The following YTHDC1 variants were observed in gnomAD, a reference collection of about 807,000 sequenced individuals.
The protein encoded by YTHDC1 is YTH domain-containing protein 1.
A neutral mutation model predicts 107.0 loss-of-function variants in YTHDC1; 12 were observed. The observed-to-expected ratio is 0.11, with a 90% CI of 0.07 to 0.18. YTHDC1 has a LOEUF of 0.18. Ranked by LOEUF, YTHDC1 falls within the 10% of genes least tolerant of loss-of-function variation. The pLI is 1.00. For synonymous variants in YTHDC1, 280 were observed against 289.5 expected (o/e 0.97, Z 0.33); for missense variants, 635 against 898.8 (o/e 0.71, Z 3.75).
At chr4:68,344,755 G>A (rs1248380882) in intron 1 of YTHDC1, among the ~76,000 whole-genome samples, 7 of 152,198 alleles carry the variant, frequency 4.6e-5, no homozygotes, top group African/African-American at 1.7e-4. Context: ...AGAGTAACAG[G>A]TCGGGCATGG....
intron 16 of YTHDC1, 28 bp downstream of exon 16, chr4:68,316,286 T>C (rs887486213): frequency 3.7e-6 from 6 of 1,600,330 alleles, no homozygotes; most frequent in Non-Finnish European, 4.3e-6. Flanking sequence ...AGTAGTTCCC[T>C]CACACCTTTG....
chr4:68,314,224 G>A lies in YTHDC1; in HGVS notation c.2059C>T (p.Arg687Ter). The change falls in exon 17 of 17, where the codon CGA becomes TGA. Residue 687 changes from arginine (R) to a stop codon, truncating the protein, a stop_gained. Transcript: ENST00000344157. LOFTEE classifies it high-confidence loss of function. The stretch of plus-strand genomic sequence containing the variant: ...CGTCTGTTATCTCTAGGGCGGTCTC[G>A]CTCTCGTTCCCGGTCTCTTTCACGG... ...RPRERDRERE[R>*]DRPRDNRRDR... 1 of 1,613,528 alleles carries A rather than the reference G, an allele frequency of 6.2e-7. No homozygotes were observed. The highest frequency in any genetic ancestry group is 8.5e-7 in the Non-Finnish European group (1 of 1,179,838).
Position 68,337,856 on chromosome 4 carries a change from G to A in YTHDC1, c.175C>T (p.Arg59Ter). 6.2e-7 allele frequency: 1 copy of A among 1,613,180 alleles called. No homozygotes were observed. The highest frequency in any genetic ancestry group is 8.5e-7 in the Non-Finnish European group (1 of 1,179,914). Residue 59 changes from arginine (R) to a stop codon, truncating the protein, a stop_gained, in exon 3 of 17, where the codon CGA (arginine) becomes TGA (stop). Transcript: ENST00000344157. LOFTEE classifies it high-confidence loss of function. Reference sequence around the variant, plus strand: ...CTAGAATGGACAGAAGGCTTTTGTCGTTTGGTATCAGTAGATTCCATTCGA... The same window carrying A: ...CTAGAATGGACAGAAGGCTTTTGTCATTTGGTATCAGTAGATTCCATTCGA... ...SDRMESTDTK[R>*]QKPSVHSRQL...
intron 5 of YTHDC1, 85 bp downstream of exon 5, chr4:68,333,223 G>T: frequency 9.7e-7 from 1 of 1,026,812 alleles, no homozygotes; most frequent in Non-Finnish European, 1.5e-6. Flanking sequence ...ACATCAACAA[G>T]TTCACACTAA....
At position 68,313,727 on chromosome 4, in the gene YTHDC1, T is replaced by C. The variant is rs560971897; in HGVS notation, c.*372A>G. 4.6e-6 allele frequency: 1 copy of C among 217,888 alleles called. No homozygotes were observed. The highest frequency in any genetic ancestry group is 1.1e-4 in the East Asian group (1 of 9,208). The allele number at this position is 217,888 out of a possible 1,614,324, so 13.5% of individuals were successfully genotyped here. A position where few individuals can be genotyped will look rare whatever the true frequency, so the allele number is the denominator to read the frequency against. Reference sequence around the variant, plus strand: ...GTGTGCAACTACATGTAGAAACACATCAAAGCAAAATATCATGGCAGTTAT... The same window carrying C: ...GTGTGCAACTACATGTAGAAACACACCAAAGCAAAATATCATGGCAGTTAT... On this transcript the variant is annotated 3_prime_UTR_variant, in exon 17 of 17. Transcript: ENST00000344157.
chr4:68,337,933 AGTATTT>A lies in YTHDC1; in HGVS notation c.131-39_131-34del, dbSNP rs1372838679. 11 of 1,573,524 alleles carry A rather than the reference AGTATTT, an allele frequency of 7.0e-6. No individual in the cohort carries two copies. The Admixed American group carries it at 2.0e-4, about 29-fold the overall frequency. ...ATACAATGTAAAAAAAAAAAAAAGAAGTATTTGTAGTATTCCATTTATTTCACCAAA... is the reference window on the plus strand; with the variant it reads ...ATACAATGTAAAAAAAAAAAAAAGAAGTAGTATTCCATTTATTTCACCAAA... On this transcript the variant is annotated intron_variant, in intron 2 of 16. Coordinates refer to ENST00000344157, the MANE Select transcript of YTHDC1 (RefSeq NM_001031732.4).
intron 11 of YTHDC1, 125 bp from the exon 12 acceptor site, chr4:68,320,330 G>T: frequency 3.4e-6 from 2 of 595,006 alleles, no homozygotes; most frequent in Non-Finnish European, 5.5e-6. Flanking sequence ...AATTTTTTTA[G>T]TGAGCAAATT....
chr4:68,345,883 G>C (rs1725352325), intron 1 of YTHDC1, among the ~76,000 whole-genome samples: 1 of 151,986 alleles, frequency 6.6e-6, no homozygotes, highest in South Asian at 2.1e-4. Flanking sequence ...ACGCCCAACA[G>C]ATCTGTTGCC....
At chr4:68,318,793 A>C (rs1722134385) in intron 13 of YTHDC1, 33 bp downstream of exon 13, 2 of 1,614,044 alleles carry the variant, frequency 1.2e-6, no homozygotes, top group Non-Finnish European at 1.7e-6. Context: ...CAAGAATGTA[A>C]TTCAAAACTA....
chr4:68,315,623 G>C (rs900959688), intron 16 of YTHDC1, among the ~76,000 whole-genome samples: 34 of 152,056 alleles, frequency 2.2e-4, no homozygotes, highest in African/African-American at 7.3e-4. Context: ...GTACTATTGG[G>C]GGGGGTGGGG....
chr4:68,338,576 C>T (rs1165553183), intron 1 of YTHDC1, among the ~76,000 whole-genome samples, 192 bp from the exon 2 acceptor site: 2 of 152,204 alleles, frequency 1.3e-5, no homozygotes. Flanking sequence ...ATTGGCCAGT[C>T]GTGGTGGCTC....
intron 16 of YTHDC1, among the ~76,000 whole-genome samples, chr4:68,314,704 C>T (rs1376616898): frequency 6.6e-6 from 1 of 152,162 alleles, no homozygotes; most frequent in Non-Finnish European, 1.5e-5. Context: ...TGCTAAATGT[C>T]ATCAATGTTT....
At chr4:68,344,593 A>C (rs577521753) in intron 1 of YTHDC1, among the ~76,000 whole-genome samples, 21 of 152,348 alleles carry the variant, frequency 1.4e-4, no homozygotes, top group African/African-American at 4.6e-4. Context: ...CAGCTGGCTG[A>C]TAGATTCCAC....
chr4:68,318,990 T>C (rs1722156562), intron 12 of YTHDC1, 128 bp from the exon 13 acceptor site: 2 of 912,534 alleles, frequency 2.2e-6, no homozygotes, highest in Admixed American at 2.5e-5. Context: ...ATGCTACTAC[T>C]GTATTATCCC....
In YTHDC1 at chr4:68,322,460, C is replaced by A; in HGVS notation, c.1601+289G>T. 1 of 324,386 alleles carries A rather than the reference C, an allele frequency of 3.1e-6. No homozygotes were observed. The allele number at this position is 324,386 out of a possible 1,614,324, so 20.1% of individuals were successfully genotyped here. ...TGTTCTTAGCAACAAATGCCTACCT[C>A]ATTTCAATTGTATACATTGTATTAT... On this transcript the variant is annotated intron_variant, in intron 11 of 16. Transcript: ENST00000344157. The surrounding 1 kb of genome is among the most constrained non-coding windows in gnomAD (Gnocchi z 4.8).
intron 1 of YTHDC1, 75 bp downstream of exon 1, chr4:68,349,651 A>T: frequency 3.6e-6 from 1 of 275,986 alleles, no homozygotes; most frequent in East Asian, 1.1e-4. Context: ...CCCACCCCCA[A>T]CGACGACCAC....
chr4:68,323,434 T>C (rs1472507169), intron 10 of YTHDC1, among the ~76,000 whole-genome samples: 1 of 152,126 alleles, frequency 6.6e-6, no homozygotes, highest in Non-Finnish European at 1.5e-5. Flanking sequence ...AAATGTCATA[T>C]TACTTTTGCA....
intron 1 of YTHDC1, among the ~76,000 whole-genome samples, chr4:68,349,492 G>A (rs1560511603): frequency 1.3e-5 from 2 of 151,948 alleles, no homozygotes; most frequent in Non-Finnish European, 2.9e-5. Flanking sequence ...CGTGAAATCC[G>A]CATCAAAGAA....
At chr4:68,346,983 T>A (rs1480479824) in intron 1 of YTHDC1, among the ~76,000 whole-genome samples, 2 of 152,226 alleles carry the variant, frequency 1.3e-5, no homozygotes, top group Admixed American at 1.3e-4. Context: ...AGAACTGTTG[T>A]ATAACTTAAA....
Sources: gnomAD v4.1 joint callset for allele counts (sites outside exome capture counted in the v4.1 genomes callset) on GRCh38, gnomAD v4.1.1 for gene constraint, Gnocchi (gnomAD v3.1) non-coding constraint, MANE v1.5 for transcripts, NCBI Gene and HGNC (gene_info 2026-07-23, HGNC 2026-07-21) for gene names.